ELK3: variants seen among roughly 807,000 people sequenced by gnomAD.
ELK3 encodes ETS domain-containing protein Elk-3.
ELK3 carries 10 observed loss-of-function variants against 28.9 expected under a neutral mutation model. That is an observed-to-expected ratio of 0.35 (90% CI 0.21 to 0.59). The LOEUF is 0.59. Ranked by LOEUF, ELK3 falls within the 20% of genes least tolerant of loss-of-function variation. The pLI, the probability that ELK3 is intolerant of heterozygous loss-of-function variation, is 0.82. For missense variants in ELK3, 463 were observed against 517.3 expected, an observed-to-expected ratio of 0.90 and a Z score of 1.02; for synonymous variants, 272 against 243.5, an observed-to-expected ratio of 1.12 and a Z score of -1.09.
At chr12:96,253,428 C>T (rs938617703) in intron 3 of ELK3, among the ~76,000 whole-genome samples, 1 of 152,174 alleles carries the variant, frequency 6.6e-6, no homozygotes, top group Non-Finnish European at 1.5e-5. Context: ...TACCCTAGGC[C>T]CCCATGGGAG....
intron 2 of ELK3, among the ~76,000 whole-genome samples, chr12:96,228,442 A>AAAG (rs1951720169): frequency 2.1e-5 from 3 of 142,560 alleles, no homozygotes; most frequent in Non-Finnish European, 4.6e-5. Context: ...AAAAAAAAAA[A>AAAG]AAGAAGATCA....
intron 2 of ELK3, among the ~76,000 whole-genome samples, chr12:96,233,172 A>G (rs1312026118): frequency 6.6e-6 from 1 of 152,158 alleles, no homozygotes; most frequent in Non-Finnish European, 1.5e-5. Flanking sequence ...TGGAGAGGGA[A>G]AAAGGATGGG....
At chr12:96,261,507 T>G (rs746011167) in intron 4 of ELK3, among the ~76,000 whole-genome samples, 2 of 152,220 alleles carry the variant, frequency 1.3e-5, no homozygotes, top group Non-Finnish European at 2.9e-5. Context: ...AGCAGAATTC[T>G]AAAATTAATA....
intron 2 of ELK3, among the ~76,000 whole-genome samples, chr12:96,228,002 A>C (rs1441631630): frequency 6.6e-6 from 1 of 152,200 alleles, no homozygotes; most frequent in Non-Finnish European, 1.5e-5. Flanking sequence ...TGAACATTGC[A>C]GACAGTGCAA....
intron 4 of ELK3, among the ~76,000 whole-genome samples, chr12:96,265,844 A>AAGTT (rs1952025350): frequency 3.9e-5 from 6 of 152,248 alleles, no homozygotes; most frequent in Admixed American, 3.9e-4. Context: ...ATTCTAGAAA[A>AAGTT]AGTTAAAATT....
At chr12:96,238,140 T>C (rs1440098891) in intron 2 of ELK3, among the ~76,000 whole-genome samples, 1 of 152,192 alleles carries the variant, frequency 6.6e-6, no homozygotes, top group Non-Finnish European at 1.5e-5. Flanking sequence ...GAAATTTTCC[T>C]GGAAGGCAGA....
chr12:96,235,168 CACCCCA>C (rs1951772448), intron 2 of ELK3, among the ~76,000 whole-genome samples: 1 of 151,926 alleles, frequency 6.6e-6, no homozygotes, highest in Non-Finnish European at 1.5e-5. Flanking sequence ...TTCACCATCT[CACCCCA>C]ACCCAACTGC....
chr12:96,261,971 C>T (rs369299285), intron 4 of ELK3, among the ~76,000 whole-genome samples: 38 of 152,000 alleles, frequency 2.5e-4, no homozygotes, highest in African/African-American at 8.9e-4. Flanking sequence ...GGGCCCCACT[C>T]CCAGAGTTTC....
chr12:96,215,419 C>T (rs894509385), intron 1 of ELK3, among the ~76,000 whole-genome samples: 1 of 152,120 alleles, frequency 6.6e-6, no homozygotes, highest in African/African-American at 2.4e-5. Flanking sequence ...AGTAGCTTTT[C>T]GGTGACAGAG....
chr12:96,246,063 CGTT>C (rs1209324618), intron 2 of ELK3, among the ~76,000 whole-genome samples: 6 of 151,924 alleles, frequency 3.9e-5, no homozygotes, highest in Non-Finnish European at 7.4e-5. Flanking sequence ...GTTAAGAAAA[CGTT>C]GTAGTGTTTG....
chr12:96,255,091 T>A (rs999104737), intron 3 of ELK3, among the ~76,000 whole-genome samples: 18 of 151,996 alleles, frequency 1.2e-4, no homozygotes, highest in Admixed American at 6.6e-5. Context: ...ACCATGAGTA[T>A]CTAAGGCTGT....
chr12:96,214,881 C>T (rs1192681095), intron 1 of ELK3, among the ~76,000 whole-genome samples: 1 of 152,050 alleles, frequency 6.6e-6, no homozygotes, highest in Non-Finnish European at 1.5e-5. Context: ...ATGGCTACTA[C>T]CCTTTGTCTT....
At chr12:96,240,955 C>T (rs879507291) in intron 2 of ELK3, among the ~76,000 whole-genome samples, 1 of 152,146 alleles carries the variant, frequency 6.6e-6, no homozygotes, top group Admixed American at 6.5e-5. Context: ...ATATTTGCCA[C>T]GTAAATGGAT....
intron 3 of ELK3, among the ~76,000 whole-genome samples, chr12:96,248,369 C>G (rs1046543865): frequency 2.0e-5 from 3 of 152,230 alleles, no homozygotes; most frequent in Non-Finnish European, 4.4e-5. Flanking sequence ...GAGAAAGCAG[C>G]CTTTTCCTTT....
intron 4 of ELK3, among the ~76,000 whole-genome samples, chr12:96,264,420 AGTAG>A (rs1301217089): frequency 1.3e-5 from 2 of 152,186 alleles, no homozygotes. Flanking sequence ...TGAGGGGTAA[AGTAG>A]GTATTGAAAA....
chr12:96,229,521 T>C (rs1478294503), intron 2 of ELK3, among the ~76,000 whole-genome samples: 3 of 139,268 alleles, frequency 2.2e-5, no homozygotes, highest in Non-Finnish European at 4.6e-5. Context: ...GTCCAGATTT[T>C]CCTTTTTTTT....
At chr12:96,226,907 T>C (rs902331429) in intron 2 of ELK3, among the ~76,000 whole-genome samples, 1 of 152,170 alleles carries the variant, frequency 6.6e-6, no homozygotes, top group Admixed American at 6.5e-5. Context: ...AGAGGAGGCA[T>C]GTCAAAAAGA....
At chr12:96,220,382 ATTTTTTTT>A (rs35309478) in intron 1 of ELK3, among the ~76,000 whole-genome samples, 3 of 100,344 alleles carry the variant, frequency 3.0e-5, no homozygotes, top group East Asian at 3.2e-4. Flanking sequence ...CTTTTTCGTG[ATTTTTTTT>A]TTTTTTTTTT....
At chr12:96,237,609 G>C (rs1565786390) in intron 2 of ELK3, among the ~76,000 whole-genome samples, 1 of 152,208 alleles carries the variant, frequency 6.6e-6, no homozygotes, top group African/African-American at 2.4e-5. Context: ...ACCCATAGGA[G>C]AGTGTGTATT....
Sources: gnomAD v4.1 joint callset for allele counts (sites outside exome capture counted in the v4.1 genomes callset) on GRCh38, gnomAD v4.1.1 for gene constraint, MANE v1.5 for transcripts, NCBI Gene and HGNC (gene_info 2026-07-23, HGNC 2026-07-21) for gene names.